The following R3HDM1 variants were observed in gnomAD, a reference collection of about 807,000 sequenced individuals.
The protein encoded by R3HDM1 is R3H domain containing 1, also known as R3H domain-containing protein 1.
Under a neutral mutation model 141.1 loss-of-function variants are expected in R3HDM1, and 46 were observed. The observed-to-expected ratio is 0.33, with a 90% CI of 0.26 to 0.42. The LOEUF (loss-of-function observed/expected upper bound fraction) is 0.42, where lower values mean the gene tolerates loss of function less well. Ranked by LOEUF, R3HDM1 falls within the 10% of genes least tolerant of loss-of-function variation. The pLI is 1.00. For synonymous variants in R3HDM1, 435 were observed against 472.9 expected, an observed-to-expected ratio of 0.92 and a Z score of 1.04; for missense variants, 1,184 against 1,368.3, an observed-to-expected ratio of 0.87 and a Z score of 2.12.
chr2:135,561,471 C>G (rs1464370153), intron 1 of R3HDM1: 1 of 499,872 alleles, frequency 2.0e-6, no homozygotes, highest in Admixed American at 6.4e-5. Flanking sequence ...AATCCCAGCG[C>G]TTTGGTAGGC....
chr2:135,564,909 C>A (rs1293246893), intron 1 of R3HDM1, among the ~76,000 whole-genome samples: 1 of 152,078 alleles, frequency 6.6e-6, no homozygotes, highest in East Asian at 1.9e-4. Flanking sequence ...TAAAGTATTC[C>A]TTTTTCTTAT....
chr2:135,722,098 C>A, intron 25 of R3HDM1, 92 bp downstream of exon 25: 2 of 1,251,584 alleles, frequency 1.6e-6, no homozygotes, highest in Non-Finnish European at 2.3e-6. Flanking sequence ...CCTGTTGGCA[C>A]TGCCCAAGAA....
rs568723858 is a variant in R3HDM1 at position 135,557,298 on chromosome 2, C to T, written c.-250+25665C>T. ...TTTCCTTTTTACTGTCCATATTTAA[C>T]GTAAGTATATCCTTTGTATCTTTTT... is the stretch of plus-strand genomic sequence containing the variant. On this transcript the variant is annotated intron_variant, in intron 1 of 26. Transcript: ENST00000683871. 4.6e-5 allele frequency among the ~76,000 whole-genome samples: 7 copies of T among 151,970 alleles called. No homozygotes were observed. The East Asian group carries it at 7.7e-4, about 17-fold the overall frequency.
chr2:135,591,916 G>A (rs775785938), intron 1 of R3HDM1, among the ~76,000 whole-genome samples: 3 of 152,202 alleles, frequency 2.0e-5, no homozygotes, highest in Non-Finnish European at 4.4e-5. Flanking sequence ...AGGTCAAGAT[G>A]TATTGTCTTT....
intron 1 of R3HDM1, chr2:135,536,804 C>CA (rs1696226606): frequency 1.3e-6 from 1 of 753,366 alleles, no homozygotes. Flanking sequence ...CGGTGAACAT[C>CA]ACCACCTGAG....
At chr2:135,614,860 G>C (rs1444932271) in intron 3 of R3HDM1, among the ~76,000 whole-genome samples, 1 of 151,194 alleles carries the variant, frequency 6.6e-6, no homozygotes. Context: ...CTACCACCTA[G>C]ACTAGATGGT....
At chr2:135,639,560 TA>T (rs1371625822) in intron 14 of R3HDM1, among the ~76,000 whole-genome samples, 1 of 152,154 alleles carries the variant, frequency 6.6e-6, no homozygotes, top group South Asian at 2.1e-4. Flanking sequence ...CATTTTCCAT[TA>T]AAAAAATTAA....
chr2:135,602,140 A>C (rs2059673978), intron 1 of R3HDM1, among the ~76,000 whole-genome samples: 1 of 152,172 alleles, frequency 6.6e-6, no homozygotes, highest in East Asian at 1.9e-4. Context: ...AGAGAACTCT[A>C]AAAATGATGG....
At position 135,639,221 on chromosome 2, in the gene R3HDM1, A is replaced by G. The variant is rs2063546650; in HGVS notation, c.1219+99A>G. On this transcript the variant is annotated intron_variant, in intron 14 of 26. Coordinates refer to ENST00000683871, the MANE Select transcript of R3HDM1 (RefSeq NM_001378107.1). ...AGATGGCTTCTAATTATCCTAAAAT[A>G]TAAAATCACTATCAATAGTACCTTG... The G allele has an allele frequency of 3.4e-6, 4 of 1,188,000 alleles. No individual in the cohort carries two copies. The Admixed American group carries it at 7.0e-5, about 21-fold the overall frequency. The allele number at this position is 1,188,000 out of a possible 1,614,324, so 73.6% of individuals were successfully genotyped here.
intron 18 of R3HDM1, among the ~76,000 whole-genome samples, chr2:135,657,410 CA>C (rs11334528): frequency 0.1 from 7,516 of 73,852 alleles, 289 homozygotes; most frequent in African/African-American, 0.21. Context: ...TACTCTGTCT[CA>C]AAAAAAAAAA....
intron 1 of R3HDM1, among the ~76,000 whole-genome samples, chr2:135,600,103 ATTTTT>A (rs1047714227): frequency 3.2e-5 from 3 of 93,516 alleles, no homozygotes; most frequent in East Asian, 3.4e-4. Context: ...AGTTCGTATG[ATTTTT>A]TTTTTTTTTT....
At position 135,661,332 on chromosome 2, in the gene R3HDM1, C is replaced by A; in HGVS notation, c.2091C>A (p.Val697=). 6.2e-7 allele frequency: 1 copy of A among 1,613,784 alleles called. No individual in the cohort carries two copies. Among genetic ancestry groups the A allele is most frequent in the Non-Finnish European group, 8.5e-7 (1 of 1,179,666 alleles). The change falls in exon 19 of 27, where the codon GTC becomes GTA. Residue 697 remains valine, a synonymous_variant. Transcript: ENST00000683871. ...YHSSQPQYRP[V]PSVHYNSHLN... is the part of the protein sequence containing the mutation. ...CCAGCCAACCTCAGTATCGCCCAGT[C>A]CCTTCTGTTCATTACAATTCACATC...
intron 1 of R3HDM1, among the ~76,000 whole-genome samples, chr2:135,555,740 T>C (rs1336769610): frequency 6.6e-6 from 1 of 152,106 alleles, no homozygotes; most frequent in Non-Finnish European, 1.5e-5. Flanking sequence ...TACGAAGCAA[T>C]GAAGGGCCAG....
intron 15 of R3HDM1, chr2:135,645,146 A>C (rs2064255025): frequency 9.0e-6 from 3 of 333,020 alleles, no homozygotes; most frequent in Non-Finnish European, 1.5e-5. Context: ...GTACCCCATA[A>C]TAAGAAATGC....
intron 1 of R3HDM1, among the ~76,000 whole-genome samples, chr2:135,563,551 A>G (rs1284735944): frequency 6.6e-6 from 1 of 152,178 alleles, no homozygotes; most frequent in Non-Finnish European, 1.5e-5. Context: ...GGTATTTGGT[A>G]TAAAATCATA....
Position 135,724,069 on chromosome 2 carries a change from G to A in R3HDM1, c.3182G>A (p.Arg1061His), listed in dbSNP as rs751312710. Residue 1061 changes from arginine (R) to histidine (H), a missense_variant, in exon 27 of 27, where the codon CGT becomes CAT. Arg to His is a conservative substitution (Grantham distance 29). Coordinates refer to ENST00000683871, the MANE Select transcript of R3HDM1 (RefSeq NM_001378107.1). ...RWLRDPQSQPRRHPLCCGSGD... is the reference protein window; with the variant it reads ...RWLRDPQSQPHRHPLCCGSGD... ...CTCCGGGACCCCCAGTCCCAACCACGTCGTCACCCCCTCTGCTGTGGCAGT... is the reference window on the plus strand; with the variant it reads ...CTCCGGGACCCCCAGTCCCAACCACATCGTCACCCCCTCTGCTGTGGCAGT... 1.4e-5 allele frequency: 22 copies of A among 1,613,962 alleles called. No homozygotes were observed. The highest frequency in any genetic ancestry group is 1.6e-4 in the Middle Eastern group (1 of 6,084).
chr2:135,668,754 C>T (rs1349246946), intron 19 of R3HDM1, among the ~76,000 whole-genome samples: 2 of 152,220 alleles, frequency 1.3e-5, no homozygotes, highest in African/African-American at 4.8e-5. Context: ...TGGCACTGCC[C>T]TGCTGAGTAA....
rs2076999375 is a variant in R3HDM1, at chr2:135,724,471, C to A, written c.*179C>A. The A allele has an allele frequency of 3.7e-6, 2 of 540,530 alleles. No individual in the cohort carries two copies. Among genetic ancestry groups the A allele is most frequent in the Non-Finnish European group, 6.5e-6 (2 of 308,658 alleles). The allele number at this position is 540,530 out of a possible 1,614,324, so 33.5% of individuals were successfully genotyped here. Reference sequence around the variant, plus strand: ...AGGGGGAAAAATATGCATTTCACCCCACATGACTAGGAATCCACATCAGAA... The same window carrying A: ...AGGGGGAAAAATATGCATTTCACCCAACATGACTAGGAATCCACATCAGAA... On this transcript the variant is annotated 3_prime_UTR_variant, in exon 27 of 27. Coordinates refer to ENST00000683871, the MANE Select transcript of R3HDM1 (RefSeq NM_001378107.1).
chr2:135,581,554 A>G (rs1381887998), intron 1 of R3HDM1, among the ~76,000 whole-genome samples: 1 of 152,140 alleles, frequency 6.6e-6, no homozygotes, highest in Non-Finnish European at 1.5e-5. Flanking sequence ...TAAGTTGAAG[A>G]GGATGATTTA....
Sources: gnomAD v4.1 joint callset for allele counts (sites outside exome capture counted in the v4.1 genomes callset) on GRCh38, gnomAD v4.1.1 for gene constraint, MANE v1.5 for transcripts, NCBI Gene and HGNC (gene_info 2026-07-23, HGNC 2026-07-21) for gene names.